The following FRMD6 variants were observed in gnomAD, a reference collection of about 807,000 sequenced individuals.
FRMD6 encodes FERM domain containing 6.
Under a neutral mutation model 73.2 loss-of-function variants are expected in FRMD6, and 37 were observed. The ratio of observed to expected loss-of-function variants is 0.51; its 90% CI spans 0.39 to 0.66. The LOEUF is 0.66. FRMD6 is among the 30% of genes least tolerant of loss of function. The probability of loss-of-function intolerance (pLI) is 0.00; values close to 1 mark genes in which losing one functional copy is unlikely to be tolerated. For missense variants in FRMD6, 714 were observed against 780.5 expected, an observed-to-expected ratio of 0.91 and a Z score of 1.02; for synonymous variants, 273 against 282.2, an observed-to-expected ratio of 0.97 and a Z score of 0.33.
intron 1 of FRMD6, among the ~76,000 whole-genome samples, chr14:51,672,304 G>A (rs921626841): frequency 6.6e-6 from 1 of 152,124 alleles, no homozygotes; most frequent in South Asian, 2.1e-4. Context: ...AAAAATGCCC[G>A]TGAAAGCTTC....
chr14:51,443,900 TA>T, the FRMD6 span, among the ~76,000 whole-genome samples: 1 of 150,544 alleles, frequency 6.6e-6, no homozygotes, highest in Non-Finnish European at 1.5e-5. Flanking sequence ...ATATTTGGGG[TA>T]AAGGTAGGGA....
chr14:51,628,802 A>G (rs1358749237), intron 2 of FRMD6, among the ~76,000 whole-genome samples: 2 of 140,492 alleles, frequency 1.4e-5, no homozygotes, highest in East Asian at 4.0e-4. Context: ...CTCTGTCTCA[A>G]AAAAAAAAAA....
At chr14:51,415,567 G>A in the FRMD6 span, among the ~76,000 whole-genome samples, 1 of 152,170 alleles carries the variant, frequency 6.6e-6, no homozygotes, top group Admixed American at 6.5e-5. Context: ...GTGTTTTATT[G>A]AGGATTTTTG....
chr14:51,588,507 G>A (rs1323486625), intron 2 of FRMD6, among the ~76,000 whole-genome samples: 1 of 152,262 alleles, frequency 6.6e-6, no homozygotes, highest in Non-Finnish European at 1.5e-5. Context: ...AATACAAGGA[G>A]CAGAAATACC....
intron 1 of FRMD6, among the ~76,000 whole-genome samples, chr14:51,500,540 CAA>C (rs112445619): frequency 3.5e-5 from 5 of 141,508 alleles, no homozygotes; most frequent in African/African-American, 7.5e-5. Context: ...GACTCTGTCT[CAA>C]AAAAAAAAAG....
At chr14:51,427,594 G>A in the FRMD6 span, among the ~76,000 whole-genome samples, 18 of 152,312 alleles carry the variant, frequency 1.2e-4, no homozygotes, top group African/African-American at 4.3e-4. Flanking sequence ...AATTTGTCAT[G>A]GGTCACGTGT....
intron 1 of FRMD6, among the ~76,000 whole-genome samples, chr14:51,569,711 AG>A (rs1164893918): frequency 7.2e-5 from 11 of 151,740 alleles, no homozygotes; most frequent in African/African-American, 2.7e-4. Flanking sequence ...CATGTTGCCC[AG>A]GCTACTCTCA....
chr14:51,536,051 T>A (rs1297487385), intron 1 of FRMD6, among the ~76,000 whole-genome samples: 1 of 143,726 alleles, frequency 7.0e-6, no homozygotes, highest in Non-Finnish European at 1.5e-5. Flanking sequence ...TATATTATAT[T>A]ATATTGCATT....
intron 6 of FRMD6, among the ~76,000 whole-genome samples, chr14:51,707,044 C>T (rs1896664681): frequency 6.6e-6 from 1 of 152,010 alleles, no homozygotes; most frequent in African/African-American, 2.4e-5. Flanking sequence ...ATCAGTTTCC[C>T]CCACCCTTGG....
the FRMD6 span, among the ~76,000 whole-genome samples, chr14:51,479,270 A>T: frequency 1.3e-5 from 2 of 152,208 alleles, no homozygotes; most frequent in Admixed American, 1.3e-4. Context: ...TTTAACATTT[A>T]TGCGCACATT....
At chr14:51,538,721 A>G (rs1483016424) in intron 1 of FRMD6, among the ~76,000 whole-genome samples, 1 of 152,134 alleles carries the variant, frequency 6.6e-6, no homozygotes, top group East Asian at 1.9e-4. Context: ...AATAGGGTTT[A>G]TTTCTAGACT....
chr14:51,666,332 A>G (rs144409032), intron 1 of FRMD6, among the ~76,000 whole-genome samples: 2,229 of 152,288 alleles, frequency 0.015, 61 homozygotes, highest in African/African-American at 0.051. Context: ...CCTAATGACT[A>G]ATATTGTTTT....
the FRMD6 span, among the ~76,000 whole-genome samples, chr14:51,400,344 C>A: frequency 6.6e-6 from 1 of 152,110 alleles, no homozygotes; most frequent in Non-Finnish European, 1.5e-5. Flanking sequence ...ATTCCACATG[C>A]AAGTGAGGTC....
chr14:51,415,637 G>A, the FRMD6 span, among the ~76,000 whole-genome samples: 1 of 152,020 alleles, frequency 6.6e-6, no homozygotes, highest in South Asian at 2.1e-4. Context: ...GTCTCTGCCA[G>A]GCTTTGGTAT....
At chr14:51,521,601 A>G (rs1884956928) in intron 1 of FRMD6, among the ~76,000 whole-genome samples, 1 of 152,064 alleles carries the variant, frequency 6.6e-6, no homozygotes. Flanking sequence ...ATTTAAATTC[A>G]TGGAAGAGAA....
chr14:51,527,800 C>G (rs531428285), intron 1 of FRMD6, among the ~76,000 whole-genome samples: 8 of 152,310 alleles, frequency 5.3e-5, no homozygotes, highest in Admixed American at 2.0e-4. Flanking sequence ...GATGGTGAGG[C>G]ATACATTAAC....
At chr14:51,533,590 A>G (rs766350994) in intron 1 of FRMD6, among the ~76,000 whole-genome samples, 1 of 152,198 alleles carries the variant, frequency 6.6e-6, no homozygotes, top group Non-Finnish European at 1.5e-5. Flanking sequence ...GCAACTGGGA[A>G]ATAATCACAT....
the FRMD6 span, among the ~76,000 whole-genome samples, chr14:51,449,434 T>C: frequency 1.3e-5 from 2 of 152,182 alleles, no homozygotes; most frequent in Non-Finnish European, 2.9e-5. Context: ...CTTATGGGAT[T>C]ATCAGGCTAA....
At chr14:51,580,725 A>G (rs998606227) in intron 2 of FRMD6, among the ~76,000 whole-genome samples, 6 of 152,228 alleles carry the variant, frequency 3.9e-5, no homozygotes, top group Non-Finnish European at 8.8e-5. Context: ...CTTCAGGACT[A>G]TATAATGGGT....
Sources: gnomAD v4.1 joint callset for allele counts (sites outside exome capture counted in the v4.1 genomes callset) on GRCh38, gnomAD v4.1.1 for gene constraint, MANE v1.5 for transcripts, NCBI Gene and HGNC (gene_info 2026-07-23, HGNC 2026-07-21) for gene names.